The following DMD variants were observed in gnomAD, a reference collection of about 807,000 sequenced individuals.
The protein encoded by DMD is dystrophin, also known as mutant dystrophin.
DMD carries 63 observed loss-of-function variants against 330.1 expected under a neutral mutation model. That is an observed-to-expected ratio of 0.19 (90% CI 0.16 to 0.24). DMD has a LOEUF of 0.24. Ranked by LOEUF, DMD falls within the 10% of genes least tolerant of loss-of-function variation. DMD has a pLI of 1.00. For missense variants in DMD, 3,344 were observed against 2,684.1 expected, an observed-to-expected ratio of 1.25 and a Z score of -5.43; for synonymous variants, 1,223 against 959.8, an observed-to-expected ratio of 1.27 and a Z score of -5.07.
chrX:32,964,255 C>CAAAAAAAAAAAAAAAAA lies in DMD; in HGVS notation c.93+55867_93+55883dup, dbSNP rs781702491. On this transcript the variant is annotated intron_variant, in intron 2 of 78. Transcript: ENST00000357033. ...CTGGTGACAGAGCAAGACTCCATCT[C>CAAAAAAAAAAAAAAAAA]AAAAAAAAAAAAAAAAAAAATTCAC... Among the ~76,000 whole-genome samples the CAAAAAAAAAAAAAAAAA allele has an allele frequency of 5.9e-3, 208 of 35,124 alleles. 8 individuals are homozygous for CAAAAAAAAAAAAAAAAA. The highest frequency in any genetic ancestry group is 0.02 in the Middle Eastern group (1 of 50). The allele number at this position is 35,124 out of a possible 115,157, so 30.5% of individuals were successfully genotyped here. A position where few individuals can be genotyped will look rare whatever the true frequency, so the allele number is the denominator to read the frequency against.
At chrX:32,878,827 G>C (rs774468685) in intron 2 of DMD, among the ~76,000 whole-genome samples, 3 of 107,800 alleles carry the variant, frequency 2.8e-5, no homozygotes. Context: ...GACCGAGATG[G>C]AGAAACCCCA....
intron 60 of DMD, among the ~76,000 whole-genome samples, chrX:31,365,699 C>T (rs192252275): frequency 5.9e-4 from 66 of 112,328 alleles, no homozygotes; most frequent in East Asian, 2.8e-4. Flanking sequence ...CCTTTTACTC[C>T]GTCTAGAAGA....
intron 47 of DMD, among the ~76,000 whole-genome samples, chrX:31,898,122 T>C (rs1450430012): frequency 2.8e-4 from 31 of 109,470 alleles, no homozygotes; most frequent in African/African-American, 7.0e-4. Context: ...TAAAAGAGGA[T>C]ACAAACAAAT....
intron 51 of DMD, among the ~76,000 whole-genome samples, chrX:31,768,683 GT>G (rs1489680601): frequency 2.7e-5 from 3 of 111,873 alleles, no homozygotes; most frequent in African/African-American, 9.7e-5. Flanking sequence ...TTTTACTTAT[GT>G]TTATGTGATG....
intron 44 of DMD, among the ~76,000 whole-genome samples, chrX:32,001,505 C>A (rs1002434078): frequency 2.7e-5 from 3 of 110,078 alleles, no homozygotes; most frequent in Non-Finnish European, 5.7e-5. Context: ...AAGACGCTAG[C>A]GGGTCTCACT....
intron 17 of DMD, among the ~76,000 whole-genome samples, chrX:32,531,490 C>T (rs181143923): frequency 1.8e-5 from 2 of 111,841 alleles, no homozygotes; most frequent in Admixed American, 1.9e-4. Flanking sequence ...ATTTAAAGAA[C>T]AGAAAAGAGA....
At chrX:32,859,382 C>T (rs917644068) in intron 2 of DMD, among the ~76,000 whole-genome samples, 7 of 107,540 alleles carry the variant, frequency 6.5e-5, no homozygotes, top group African/African-American at 1.0e-4. Context: ...GCAGGAGAAT[C>T]GCTAGAACTA....
chrX:32,833,492 A>C (rs993523565), intron 4 of DMD, among the ~76,000 whole-genome samples: 1 of 110,265 alleles, frequency 9.1e-6, no homozygotes, highest in Non-Finnish European at 1.9e-5. Flanking sequence ...ATTAGAGGGC[A>C]TTGCCTGAGT....
At chrX:31,666,600 G>A (rs1035139958) in intron 53 of DMD, among the ~76,000 whole-genome samples, 16 of 111,981 alleles carry the variant, frequency 1.4e-4, no homozygotes, top group African/African-American at 5.2e-4. Flanking sequence ...ACCAGGGCTA[G>A]AATAAACTAG....
intron 50 of DMD, among the ~76,000 whole-genome samples, chrX:31,776,610 A>G (rs1603464502): frequency 1.6e-5 from 1 of 60,882 alleles, no homozygotes; most frequent in Non-Finnish European, 2.9e-5. Context: ...GGAGGGAGGA[A>G]GGAGGGAGGG....
At chrX:32,530,411 C>T (rs1490337889) in intron 17 of DMD, among the ~76,000 whole-genome samples, 1 of 111,886 alleles carries the variant, frequency 8.9e-6, no homozygotes, top group Admixed American at 9.5e-5. Context: ...AATATTTTGA[C>T]GTCTGGTAGG....
At chrX:32,864,868 G>A (rs1323340651) in intron 2 of DMD, among the ~76,000 whole-genome samples, 1 of 112,033 alleles carries the variant, frequency 8.9e-6, no homozygotes, top group African/African-American at 3.2e-5. Flanking sequence ...AATCCTTGAA[G>A]TTGATAAGGA....
intron 51 of DMD, among the ~76,000 whole-genome samples, chrX:31,753,144 G>C (rs2088741202): frequency 8.9e-6 from 1 of 112,127 alleles, no homozygotes; most frequent in Non-Finnish European, 1.9e-5. Context: ...TAGGCTTTGT[G>C]ATAATATGCT....
intron 2 of DMD, among the ~76,000 whole-genome samples, chrX:32,906,379 G>C (rs1397819625): frequency 8.9e-6 from 1 of 111,982 alleles, no homozygotes; most frequent in African/African-American, 3.2e-5. Flanking sequence ...TATGCTTCCT[G>C]AACAGCCTGC....
At chrX:32,965,000 A>G (rs767076294) in intron 2 of DMD, among the ~76,000 whole-genome samples, 4 of 111,472 alleles carry the variant, frequency 3.6e-5, no homozygotes, top group Non-Finnish European at 7.5e-5. Flanking sequence ...GGTGAAACAC[A>G]TTAAACAATA....
intron 44 of DMD, among the ~76,000 whole-genome samples, chrX:32,194,002 C>T (rs1199858459): frequency 1.8e-5 from 2 of 111,812 alleles, no homozygotes; most frequent in Admixed American, 9.5e-5. Flanking sequence ...GTTGAAATCG[C>T]GAAAGCTATT....
At chrX:32,381,072 T>C (rs2097922887) in intron 33 of DMD, among the ~76,000 whole-genome samples, 1 of 111,647 alleles carries the variant, frequency 9.0e-6, no homozygotes, top group Admixed American at 9.6e-5. Context: ...ATCCTCTATA[T>C]ACAAGTGAGA....
chrX:32,064,981 G>A (rs768530438), intron 44 of DMD, among the ~76,000 whole-genome samples: 7 of 111,400 alleles, frequency 6.3e-5, no homozygotes, highest in East Asian at 2.8e-4. Flanking sequence ...ATGTCAGCCC[G>A]TGCTGATAAT....
In DMD at chrX:32,022,700, G is replaced by A. The variant is rs193244765; in HGVS notation, c.6439-54186C>T. On this transcript the variant is annotated intron_variant, in intron 44 of 78. Transcript: ENST00000357033. ...GAAAATAAATTCAGAATCTGAAAATGAATTTTGATCAGGCCACAGGATGTG... is the reference window on the plus strand; with the variant it reads ...GAAAATAAATTCAGAATCTGAAAATAAATTTTGATCAGGCCACAGGATGTG... 5.0e-3 allele frequency among the ~76,000 whole-genome samples: 564 copies of A among 112,107 alleles called. 4 individuals carry two copies. The highest frequency in any genetic ancestry group is 0.017 in the African/African-American group (528 of 30,920).
Sources: allele counts gnomAD v4.1 joint callset (sites outside exome capture counted in the v4.1 genomes callset), GRCh38; gene constraint gnomAD v4.1.1; transcripts MANE v1.5; gene names NCBI Gene and HGNC (gene_info 2026-07-23, HGNC 2026-07-21).